Variants in SELENOI observed in about 807,000 individuals in gnomAD.
SELENOI encodes selenoprotein I.
SELENOI carries 24 observed loss-of-function variants against 50.7 expected under a neutral mutation model. The ratio of observed to expected loss-of-function variants is 0.47; its 90% CI spans 0.34 to 0.67. SELENOI has a LOEUF of 0.67. Ranked by LOEUF, SELENOI falls within the 30% of genes least tolerant of loss-of-function variation. SELENOI has a pLI of 0.01. For synonymous variants in SELENOI, 155 were observed against 170.2 expected (o/e 0.91, Z 0.70); for missense variants, 352 against 461.4 (o/e 0.76, Z 2.17).
chr2:26,353,589 T>C (rs1226296096), intron 1 of SELENOI, among the ~76,000 whole-genome samples: 1 of 152,252 alleles, frequency 6.6e-6, no homozygotes, highest in Non-Finnish European at 1.5e-5. Context: ...CTCTGTTCCC[T>C]GTAAGTACAT....
chr2:26,367,751 T>A (rs531296292), intron 4 of SELENOI, among the ~76,000 whole-genome samples: 1 of 152,320 alleles, frequency 6.6e-6, no homozygotes, highest in South Asian at 2.1e-4. Flanking sequence ...TGATCAATTC[T>A]TTTTTGGTAC....
At position 26,390,946 on chromosome 2, in the gene SELENOI, T is replaced by C. The variant is rs1312042640; in HGVS notation, c.*1843T>C. The C allele has an allele frequency of 1.3e-5, 2 of 152,206 alleles. No homozygotes were observed. The highest frequency in any genetic ancestry group is 4.8e-5 in the African/African-American group (2 of 41,448). The allele number at this position is 152,206 out of a possible 1,614,324, so 9.4% of individuals were successfully genotyped here. On this transcript the variant is annotated 3_prime_UTR_variant, in exon 10 of 10. Transcript: ENST00000260585. ...AATTATTTTACCGTTTTGTTGACCT[T>C]GTACACAAGAATGAGATTAATCTGT...
intron 1 of SELENOI, among the ~76,000 whole-genome samples, chr2:26,350,611 T>C (rs1676936537): frequency 6.6e-6 from 1 of 152,224 alleles, no homozygotes; most frequent in African/African-American, 2.4e-5. Context: ...TTAAGCTAAG[T>C]TGAAATTCTT....
chr2:26,371,842 G>C (rs1677459200), intron 4 of SELENOI, among the ~76,000 whole-genome samples: 1 of 152,152 alleles, frequency 6.6e-6, no homozygotes, highest in African/African-American at 2.4e-5. Context: ...GCATGAGAGG[G>C]AGACCATGGG....
In SELENOI at chr2:26,395,828, A is replaced by G. The variant is rs1002734770; in HGVS notation, c.*6725A>G. ...TTTTAATTGAAAATTGTTTAATTCT[A>G]TTATTGATAATTATTTATTGTAATA... On this transcript the variant is annotated 3_prime_UTR_variant, in exon 10 of 10. Coordinates refer to ENST00000260585, the MANE Select transcript of SELENOI (RefSeq NM_033505.4). 1.3e-5 allele frequency: 2 copies of G among 152,580 alleles called. No individual in the cohort carries two copies. The highest frequency in any genetic ancestry group is 4.8e-5 in the African/African-American group (2 of 41,428). The allele number at this position is 152,580 out of a possible 1,614,324, so 9.5% of individuals were successfully genotyped here. A position where few individuals can be genotyped will look rare whatever the true frequency, so the allele number is the denominator to read the frequency against.
At chr2:26,360,591 A>C (rs368787260) in intron 1 of SELENOI, among the ~76,000 whole-genome samples, 1 of 152,220 alleles carries the variant, frequency 6.6e-6, no homozygotes, top group Non-Finnish European at 1.5e-5. Flanking sequence ...TTTGTGCACT[A>C]TATTAGGTAT....
intron 2 of SELENOI, 145 bp downstream of exon 2, chr2:26,364,515 C>A: frequency 1.6e-6 from 1 of 608,782 alleles, no homozygotes; most frequent in South Asian, 2.2e-5. Context: ...CCCCAAATCA[C>A]ATACCTTTTG....
At chr2:26,371,216 C>G (rs1233987629) in intron 4 of SELENOI, among the ~76,000 whole-genome samples, 2 of 151,146 alleles carry the variant, frequency 1.3e-5, no homozygotes, top group African/African-American at 4.9e-5. Flanking sequence ...CCTCACTTCC[C>G]AGACGGGGTG....
chr2:26,347,476 A>AT (rs1350366307), intron 1 of SELENOI, among the ~76,000 whole-genome samples: 2 of 151,944 alleles, frequency 1.3e-5, no homozygotes, highest in Non-Finnish European at 2.9e-5. Flanking sequence ...GTCACATAGC[A>AT]TGTTTCTCTG....
chr2:26,371,094 C>T (rs1280810754), intron 4 of SELENOI, among the ~76,000 whole-genome samples: 4 of 140,876 alleles, frequency 2.8e-5, no homozygotes, highest in Admixed American at 7.0e-5. Flanking sequence ...GGCGGCTGGC[C>T]GGGCCAGGGG....
At chr2:26,371,624 C>G (rs1677451470) in intron 4 of SELENOI, among the ~76,000 whole-genome samples, 1 of 152,228 alleles carries the variant, frequency 6.6e-6, no homozygotes, top group African/African-American at 2.4e-5. Context: ...CTCGGGAGGC[C>G]GAGGCTGGCG....
In SELENOI at chr2:26,346,198, T is replaced by C. The variant is rs189047879; in HGVS notation, c.-35T>C. Reference sequence around the variant, plus strand: ...TGTGTCACAGCCTTGTAGCCGGGAGTCGCTGCCGAGTGGGCGCTCAGTTTT... The same window carrying C: ...TGTGTCACAGCCTTGTAGCCGGGAGCCGCTGCCGAGTGGGCGCTCAGTTTT... On this transcript the variant is annotated 5_prime_UTR_variant, in exon 1 of 10. Coordinates refer to ENST00000260585, the MANE Select transcript of SELENOI (RefSeq NM_033505.4). The C allele has an allele frequency of 4.8e-5, 78 of 1,613,148 alleles. 2 individuals are homozygous for C. In the East Asian group the frequency reaches 1.6e-3, roughly 34 times the overall value.
At chr2:26,364,769 G>A in intron 2 of SELENOI, 63 bp from the exon 3 acceptor site, 1 of 1,148,054 alleles carries the variant, frequency 8.7e-7, no homozygotes, top group South Asian at 1.5e-5. Context: ...TTTGCATGTT[G>A]TAGTATACAT....
chr2:26,359,779 T>C (rs1677137045), intron 1 of SELENOI, among the ~76,000 whole-genome samples: 1 of 152,166 alleles, frequency 6.6e-6, no homozygotes. Context: ...CTGGAAGTAA[T>C]GAGTTGGTGA....
intron 5 of SELENOI, among the ~76,000 whole-genome samples, chr2:26,374,260 T>C (rs1677520011): frequency 6.6e-6 from 1 of 152,238 alleles, no homozygotes; most frequent in Admixed American, 6.5e-5. Context: ...GGTTGGCTTT[T>C]TGTGTTCATT....
At chr2:26,358,407 CA>C (rs1204101329) in intron 1 of SELENOI, among the ~76,000 whole-genome samples, 2 of 151,690 alleles carry the variant, frequency 1.3e-5, no homozygotes, top group African/African-American at 4.8e-5. Flanking sequence ...AAAAACAAAA[CA>C]AAAAAAACCT....
intron 6 of SELENOI, among the ~76,000 whole-genome samples, chr2:26,379,230 A>G (rs1677631456): frequency 6.6e-6 from 1 of 152,256 alleles, no homozygotes; most frequent in Non-Finnish European, 1.5e-5. Context: ...CACCATTGCC[A>G]GCCTGGGTGA....
At chr2:26,371,338 G>C (rs1239520050) in intron 4 of SELENOI, among the ~76,000 whole-genome samples, 1 of 152,160 alleles carries the variant, frequency 6.6e-6, no homozygotes, top group South Asian at 2.1e-4. Flanking sequence ...CATCCCAGAC[G>C]GGGCGGCGGG....
Position 26,389,107 on chromosome 2 carries a change from T to G in SELENOI, c.*4T>G, listed in dbSNP as rs755951713. 6.4e-7 allele frequency: 1 copy of G among 1,556,132 alleles called. No homozygotes were observed. The highest frequency in any genetic ancestry group is 1.4e-5 in the African/African-American group (1 of 73,714). On this transcript the variant is annotated 3_prime_UTR_variant, in exon 10 of 10. Coordinates refer to ENST00000260585, the MANE Select transcript of SELENOI (RefSeq NM_033505.4). ...AGAAAAGAATATTGGCCTGTAATAA[T>G]CTTTCTTTGGGCACAAAGAAGTACT...
Sources: allele counts gnomAD v4.1 joint callset (sites outside exome capture counted in the v4.1 genomes callset), GRCh38; gene constraint gnomAD v4.1.1; transcripts MANE v1.5; gene names NCBI Gene and HGNC (gene_info 2026-07-23, HGNC 2026-07-21).